The following SAMD3 variants were observed in gnomAD, a reference collection of about 807,000 sequenced individuals.
SAMD3 encodes sterile alpha motif domain-containing protein 3.
Under a neutral mutation model 58.5 loss-of-function variants are expected in SAMD3, and 63 were observed. The ratio of observed to expected loss-of-function variants is 1.08; its 90% confidence interval spans 0.88 to 1.33. The LOEUF (loss-of-function observed/expected upper bound fraction) is 1.33. SAMD3 is among the 40% of genes most tolerant of loss of function. The pLI, the probability that SAMD3 is intolerant of heterozygous loss-of-function variation, is 0.00. For synonymous variants in SAMD3, 220 were observed against 210.3 expected (o/e 1.05, Z -0.40); for missense variants, 604 against 608.4 (o/e 0.99, Z 0.08).
chr6:130,302,023 G>A (rs1314954163), intron 2 of SAMD3, among the ~76,000 whole-genome samples: 1 of 152,122 alleles, frequency 6.6e-6, no homozygotes, highest in African/African-American at 2.4e-5. Flanking sequence ...CATTGGCCTA[G>A]ACAAAGAATT....
intron 2 of SAMD3, among the ~76,000 whole-genome samples, chr6:130,259,150 G>A (rs1382835802): frequency 1.3e-5 from 2 of 152,164 alleles, no homozygotes; most frequent in African/African-American, 4.8e-5. Flanking sequence ...AGTAATAGCA[G>A]AGCAAAGAAA....
intron 8 of SAMD3, among the ~76,000 whole-genome samples, chr6:130,155,470 A>C (rs1313160575): frequency 6.6e-6 from 1 of 152,206 alleles, no homozygotes; most frequent in Admixed American, 6.5e-5. Flanking sequence ...TCCAAATTCA[A>C]AATAATAACA....
chr6:130,362,800 T>C (rs1048460120), intron 1 of SAMD3, among the ~76,000 whole-genome samples: 2 of 152,196 alleles, frequency 1.3e-5, no homozygotes, highest in African/African-American at 4.8e-5. Context: ...TACTTGCACA[T>C]TTAATGAACA....
In SAMD3 at chr6:130,146,199, C is replaced by A; in HGVS notation, c.1024-18G>T. The A allele has an allele frequency of 2.0e-6, 3 of 1,520,030 alleles. No individual in the cohort carries two copies. Among genetic ancestry groups the A allele is most frequent in the Non-Finnish European group, 2.7e-6 (3 of 1,123,488 alleles). 94.2% of individuals were successfully genotyped at this position (1,520,030 alleles called of 1,614,324 possible). A position where few individuals can be genotyped will look rare whatever the true frequency, so the allele number is the denominator to read the frequency against. ...CTGAACATCTGACAAAAGAAGAAAG[C>A]AATGGATACATCAGATCACAAGAAA... On this transcript the variant is annotated intron_variant, in intron 9 of 11. Transcript: ENST00000439090.
At chr6:130,186,335 T>C (rs1220522151) in intron 5 of SAMD3, among the ~76,000 whole-genome samples, 3 of 152,214 alleles carry the variant, frequency 2.0e-5, no homozygotes, top group Non-Finnish European at 2.9e-5. Flanking sequence ...GCACGAGCTA[T>C]AATGTGATAT....
At chr6:130,242,458 G>A (rs771347397) in intron 2 of SAMD3, among the ~76,000 whole-genome samples, 6 of 152,192 alleles carry the variant, frequency 3.9e-5, no homozygotes, top group Non-Finnish European at 8.8e-5. Flanking sequence ...CTGGACTGCA[G>A]GTAAGGGAAA....
In SAMD3 at chr6:130,287,709, G is replaced by A. The variant is rs540961666; in HGVS notation, c.-188+25269C>T. ...ACCTATAATCCCAGCACTTTGGGAGGCCGAGGCAGGCAGATCACGAGGTTA... is the reference window on the plus strand; with the variant it reads ...ACCTATAATCCCAGCACTTTGGGAGACCGAGGCAGGCAGATCACGAGGTTA... On this transcript the variant is annotated intron_variant, in intron 2 of 13. Coordinates refer to the SAMD3 transcript ENST00000368134. Among the ~76,000 whole-genome samples, 27 of 152,208 alleles carry A rather than the reference G, an allele frequency of 1.8e-4. 1 individual carries two copies. The highest frequency in any genetic ancestry group is 6.0e-4 in the African/African-American group (25 of 41,530).
At chr6:130,307,212 T>G (rs931119338) in intron 2 of SAMD3, among the ~76,000 whole-genome samples, 1 of 152,230 alleles carries the variant, frequency 6.6e-6, no homozygotes, top group African/African-American at 2.4e-5. Flanking sequence ...ATGGGGTGAA[T>G]GCAGTTGTGA....
intron 2 of SAMD3, among the ~76,000 whole-genome samples, chr6:130,269,976 C>G (rs1190757372): frequency 6.6e-6 from 1 of 151,952 alleles, no homozygotes; most frequent in Non-Finnish European, 1.5e-5. Context: ...TGAACATTTT[C>G]TAGTTCTCTT....
chr6:130,365,329 C>T lies in SAMD3; in HGVS notation c.-513G>A, dbSNP rs920101114. On this transcript the variant is annotated 5_prime_UTR_variant, in exon 1 of 14. Coordinates refer to the SAMD3 transcript ENST00000368134. ...CTTCAGTTCCCTCTGTCTTCCATTT[C>T]CCCCGCCCATGGTTCTCGCCCCCCC... The T allele has an allele frequency of 2.8e-5, 28 of 985,524 alleles. No homozygotes were observed. In the African/African-American group the frequency reaches 4.7e-4, roughly 17 times the overall value. 61.0% of individuals were successfully genotyped at this position (985,524 alleles called of 1,614,324 possible). A position where few individuals can be genotyped will look rare whatever the true frequency, so the allele number is the denominator to read the frequency against.
chr6:130,347,017 G>A (rs1324900483), intron 1 of SAMD3, among the ~76,000 whole-genome samples: 1 of 152,210 alleles, frequency 6.6e-6, no homozygotes, highest in Non-Finnish European at 1.5e-5. Flanking sequence ...GCAGCTGAGG[G>A]TCCTGACTGT....
At chr6:130,166,503 A>G (rs1477641298) in intron 8 of SAMD3, among the ~76,000 whole-genome samples, 1 of 152,248 alleles carries the variant, frequency 6.6e-6, no homozygotes, top group African/African-American at 2.4e-5. Context: ...TTAAGTTCCC[A>G]AATAGACTTG....
At chr6:130,201,416 C>T (rs1160892665) in intron 5 of SAMD3, among the ~76,000 whole-genome samples, 1 of 152,170 alleles carries the variant, frequency 6.6e-6, no homozygotes, top group Admixed American at 6.5e-5. Context: ...CTTAGAACAG[C>T]ACTGGAATTA....
chr6:130,171,490 A>T (rs1791238687), intron 8 of SAMD3, among the ~76,000 whole-genome samples: 1 of 152,192 alleles, frequency 6.6e-6, no homozygotes, highest in African/African-American at 2.4e-5. Context: ...ATTCAGGAGC[A>T]GGCTGTTCAA....
intron 1 of SAMD3, among the ~76,000 whole-genome samples, chr6:130,325,772 T>A (rs379663): frequency 6.6e-6 from 1 of 152,196 alleles, no homozygotes; most frequent in Non-Finnish European, 1.5e-5. Flanking sequence ...AATGTCATGG[T>A]TCGAGTGTTT....
At chr6:130,305,502 G>T (rs62433910) in intron 2 of SAMD3, among the ~76,000 whole-genome samples, 25,675 of 152,096 alleles carry the variant, frequency 0.17, 2,429 homozygotes, top group East Asian at 0.36. Context: ...ATTCTAAAGA[G>T]AATGTTTATA....
intron 2 of SAMD3, among the ~76,000 whole-genome samples, chr6:130,273,032 T>C (rs1404712776): frequency 6.6e-6 from 1 of 151,598 alleles, no homozygotes; most frequent in Non-Finnish European, 1.5e-5. Context: ...TGCTGTTTCT[T>C]TATTGATTTT....
At chr6:130,308,370 A>ATTCTATTCT (rs1775990823) in intron 2 of SAMD3, among the ~76,000 whole-genome samples, 4 of 95,178 alleles carry the variant, frequency 4.2e-5, no homozygotes, top group African/African-American at 1.7e-4. Flanking sequence ...ATTCTATTCT[A>ATTCTATTCT]TTCTATTCTA....
intron 1 of SAMD3, among the ~76,000 whole-genome samples, chr6:130,351,561 A>G (rs1777667163): frequency 6.6e-6 from 1 of 152,220 alleles, no homozygotes; most frequent in Non-Finnish European, 1.5e-5. Context: ...GGTGATCATT[A>G]AAAAGTCAGG....
Sources: gnomAD v4.1 joint callset for allele counts (sites outside exome capture counted in the v4.1 genomes callset) on GRCh38, gnomAD v4.1.1 for gene constraint, MANE v1.5 for transcripts, NCBI Gene and HGNC (gene_info 2026-07-23, HGNC 2026-07-21) for gene names.